The following ACVR1B variants were observed in gnomAD, a reference collection of about 807,000 sequenced individuals.
ACVR1B encodes the protein activin A receptor type 1B, also known as activin receptor type-1B.
In ACVR1B, 15 loss-of-function variants were observed where a neutral mutation model predicts 55.6. That is an observed-to-expected ratio of 0.27 (90% CI 0.18 to 0.42). The LOEUF (loss-of-function observed/expected upper bound fraction) is 0.42, where lower values mean the gene tolerates loss of function less well. Ranked by LOEUF, ACVR1B falls within the 10% of genes least tolerant of loss-of-function variation. The pLI is 1.00. For synonymous variants in ACVR1B, 247 were observed against 254.6 expected (o/e 0.97, Z 0.28); for missense variants, 359 against 670.1 (o/e 0.54, Z 5.13).
intron 2 of ACVR1B, 37 bp from the exon 3 acceptor site, chr12:51,976,290 T>G: frequency 6.2e-7 from 1 of 1,611,866 alleles, no homozygotes; most frequent in East Asian, 2.2e-5. Flanking sequence ...TTGTTTTTAC[T>G]TCTCATTCTT....
At chr12:51,975,238 C>A in intron 1 of ACVR1B, 27 bp from the exon 2 acceptor site, 1 of 1,597,908 alleles carries the variant, frequency 6.3e-7, no homozygotes, top group South Asian at 1.1e-5. Context: ...CCATTGATGT[C>A]AATGTCTGCT....
chr12:51,988,958 A>G (rs1942134497), intron 7 of ACVR1B, among the ~76,000 whole-genome samples: 1 of 152,146 alleles, frequency 6.6e-6, no homozygotes, highest in Non-Finnish European at 1.5e-5. Flanking sequence ...TCTTTACAAA[A>G]ATAAAAAAAT....
intron 4 of ACVR1B, among the ~76,000 whole-genome samples, chr12:51,982,206 A>T (rs563194123): frequency 2.0e-4 from 30 of 152,314 alleles, no homozygotes; most frequent in Middle Eastern, 3.4e-3. Context: ...TCAGGAAGAA[A>T]AATCTTCCTT....
In ACVR1B at chr12:51,994,232, C is replaced by T. The variant is rs1942255558; in HGVS notation, c.*122C>T. 4 of 1,430,694 alleles carry T rather than the reference C, an allele frequency of 2.8e-6. No homozygotes were observed. Among genetic ancestry groups the T allele is most frequent in the Non-Finnish European group, 1.9e-6 (2 of 1,060,834 alleles). 88.6% of individuals were successfully genotyped at this position (1,430,694 alleles called of 1,614,324 possible). ...GCCCTCTGTGGCCAGGAGCCCTGGC[C>T]CGCAAGAGGGACAGAGCCCGGGAGA... is the stretch of plus-strand genomic sequence containing the variant. On this transcript the variant is annotated 3_prime_UTR_variant, in exon 9 of 9. Coordinates refer to ENST00000257963, the MANE Select transcript of ACVR1B (RefSeq NM_004302.5). This position sits in a 1 kb window ranked among gnomAD's most constrained non-coding sequence, Gnocchi z 4.2.
At chr12:51,979,615 TGAG>T (rs1247529240) in intron 3 of ACVR1B, among the ~76,000 whole-genome samples, 12 of 152,202 alleles carry the variant, frequency 7.9e-5, no homozygotes, top group Non-Finnish European at 1.5e-4. Flanking sequence ...ACTTTTATGA[TGAG>T]GAGACCAGCA....
intron 1 of ACVR1B, among the ~76,000 whole-genome samples, chr12:51,971,336 C>T (rs1220845619): frequency 1.3e-5 from 2 of 152,196 alleles, no homozygotes; most frequent in Non-Finnish European, 1.5e-5. Context: ...ATTTGACTAA[C>T]TTGTTAATGA....
chr12:51,955,730 ATCTCATTTTCC>A (rs1031818469), intron 1 of ACVR1B, among the ~76,000 whole-genome samples: 1 of 152,104 alleles, frequency 6.6e-6, no homozygotes, highest in African/African-American at 2.4e-5. Flanking sequence ...GAGGGTCTTA[ATCTCATTTTCC>A]TCTCTGTATT....
intron 1 of ACVR1B, among the ~76,000 whole-genome samples, chr12:51,952,086 G>A (rs1009633079): frequency 6.6e-6 from 1 of 152,134 alleles, no homozygotes; most frequent in Non-Finnish European, 1.5e-5. Context: ...CTGGATTCGG[G>A]CAGTTCTCAG....
In ACVR1B at chr12:51,986,880, G is replaced by A. The variant is rs1810424184; in HGVS notation, c.1199G>A (p.Cys400Tyr). ...ATGAAACACTTTGACTCCTTTAAAT[G>A]TGCTGATATTTATGCCCTCGGGCTT... ...INMKHFDSFK[C>Y]ADIYALGLVY... Residue 400 changes from cysteine to tyrosine, a missense_variant, in exon 7 of 9, where the codon TGT becomes TAT. Cys to Tyr is a radical substitution (Grantham distance 194). This residue lies in a region of ACVR1B where 119 missense variants were observed against 340.2 expected (regional missense o/e 0.35). Transcript: ENST00000257963. 1 of 1,614,208 alleles carries A rather than the reference G, an allele frequency of 6.2e-7. No individual in the cohort carries two copies. The highest frequency in any genetic ancestry group is 8.5e-7 in the Non-Finnish European group (1 of 1,180,024).
chr12:51,959,043 G>A (rs1245661761), intron 1 of ACVR1B, among the ~76,000 whole-genome samples: 1 of 152,212 alleles, frequency 6.6e-6, no homozygotes, highest in Non-Finnish European at 1.5e-5. Context: ...AGGTGAGGTG[G>A]ACAATAAACA....
chr12:51,981,288 A>G, intron 4 of ACVR1B, 89 bp downstream of exon 4: 1 of 1,149,246 alleles, frequency 8.7e-7, no homozygotes, highest in Non-Finnish European at 1.2e-6. Flanking sequence ...GTTTGCCTTC[A>G]TCATTGTAAC....
chr12:51,985,219 TAAAGTC>T lies in ACVR1B; in HGVS notation c.1012_1017del (p.Ser338_Lys339del), dbSNP rs1461926115. ...AAGCCTGGAATTGCTCATCGAGACT[TAAAGTC>T]AAAGAACATTCTGGTGAAGAAAAAT... On this transcript the variant is annotated inframe_deletion, in exon 6 of 9. Transcript: ENST00000257963. 12 of 1,612,558 alleles carry T rather than the reference TAAAGTC, an allele frequency of 7.4e-6. No individual in the cohort carries two copies. Among genetic ancestry groups the T allele is most frequent in the Admixed American group, 1.7e-5 (1 of 59,606 alleles).
chr12:51,982,203 G>A (rs544299358), intron 4 of ACVR1B, among the ~76,000 whole-genome samples: 3 of 152,208 alleles, frequency 2.0e-5, no homozygotes, highest in African/African-American at 7.2e-5. Context: ...TGGTCAGGAA[G>A]AAAAATCTTC....
intron 1 of ACVR1B, among the ~76,000 whole-genome samples, chr12:51,966,540 C>T (rs1432856992): frequency 2.0e-5 from 3 of 152,210 alleles, no homozygotes; most frequent in Non-Finnish European, 4.4e-5. Context: ...CTTCAGTCTC[C>T]TGGGCTCAAG....
chr12:51,966,768 GT>G (rs1455461792), intron 1 of ACVR1B, among the ~76,000 whole-genome samples: 1 of 152,154 alleles, frequency 6.6e-6, no homozygotes, highest in East Asian at 1.9e-4. Flanking sequence ...GTTTGAGCCA[GT>G]TGTTAATTTT....
intron 1 of ACVR1B, among the ~76,000 whole-genome samples, chr12:51,974,261 G>A (rs1941801612): frequency 6.6e-6 from 1 of 152,182 alleles, no homozygotes; most frequent in African/African-American, 2.4e-5. Context: ...CATGCCAAGA[G>A]GTCAGAGCTA....
intron 4 of ACVR1B, among the ~76,000 whole-genome samples, chr12:51,981,908 A>G (rs1941988435): frequency 6.6e-6 from 1 of 151,886 alleles, no homozygotes. Context: ...CAACCCTGGC[A>G]AGGAGGATAA....
At chr12:51,965,268 C>A (rs1160918295) in intron 1 of ACVR1B, among the ~76,000 whole-genome samples, 2 of 152,024 alleles carry the variant, frequency 1.3e-5, no homozygotes, top group Non-Finnish European at 2.9e-5. Context: ...TTATATATTT[C>A]TGTGGTGATT....
At chr12:51,990,091 C>G (rs1942160805) in intron 7 of ACVR1B, among the ~76,000 whole-genome samples, 1 of 151,996 alleles carries the variant, frequency 6.6e-6, no homozygotes, top group Non-Finnish European at 1.5e-5. Context: ...GTCAGGAGTT[C>G]AAGACCAGCT....
Sources: allele counts gnomAD v4.1 joint callset (sites outside exome capture counted in the v4.1 genomes callset), GRCh38; gene constraint gnomAD v4.1.1; regional missense constraint gnomAD v4.1.1; non-coding constraint Gnocchi (gnomAD v3.1); transcripts MANE v1.5; gene names NCBI Gene and HGNC (gene_info 2026-07-23, HGNC 2026-07-21).